Variants in DPP6 observed in about 807,000 individuals in gnomAD.
The protein encoded by DPP6 is dipeptidyl peptidase like 6.
A neutral mutation model predicts 122.6 loss-of-function variants in DPP6; 69 were observed. The observed-to-expected ratio is 0.56, with a 90% CI of 0.46 to 0.69. The LOEUF is 0.69. DPP6 is among the 30% of genes least tolerant of loss of function. DPP6 has a pLI of 0.00. For synonymous variants in DPP6, 418 were observed against 433.1 expected (o/e 0.97, Z 0.43); for missense variants, 928 against 1,116.9 (o/e 0.83, Z 2.41).
chr7:154,397,947 A>G (rs1014036677), intron 1 of DPP6, among the ~76,000 whole-genome samples: 5 of 152,206 alleles, frequency 3.3e-5, no homozygotes, highest in African/African-American at 1.2e-4. Flanking sequence ...TTTAAATAAA[A>G]TGGTTTCCAG....
At chr7:154,783,036 G>A (rs757110529) in intron 10 of DPP6, among the ~76,000 whole-genome samples, 1 of 152,018 alleles carries the variant, frequency 6.6e-6, no homozygotes, top group African/African-American at 2.4e-5. Context: ...CACCCACCTC[G>A]GCCTCCCAAA....
chr7:154,014,765 T>C (rs1489680054), intron 1 of DPP6, among the ~76,000 whole-genome samples: 1 of 152,138 alleles, frequency 6.6e-6, no homozygotes, highest in African/African-American at 2.4e-5. Flanking sequence ...CTCCACGTTC[T>C]AAAAACAAAG....
the DPP6 span, among the ~76,000 whole-genome samples, chr7:153,832,792 T>C: frequency 6.6e-6 from 1 of 151,114 alleles, no homozygotes; most frequent in Non-Finnish European, 1.5e-5. Context: ...AAAGATAATA[T>C]GTACTTTCAA....
At chr7:154,882,322 G>C (rs966060690) in intron 21 of DPP6, among the ~76,000 whole-genome samples, 9 of 152,218 alleles carry the variant, frequency 5.9e-5, no homozygotes, top group African/African-American at 2.2e-4. Flanking sequence ...TCTGAGCTCC[G>C]TGCTGGGGAT....
At chr7:153,810,904 A>G in the DPP6 span, among the ~76,000 whole-genome samples, 1 of 152,200 alleles carries the variant, frequency 6.6e-6, no homozygotes, top group East Asian at 1.9e-4. Flanking sequence ...AAATGTGTCT[A>G]TCATATTCAA....
chr7:154,507,656 G>C lies in DPP6; in HGVS notation c.457+32619G>C, dbSNP rs146107879. ...TGTGAGGAAGCAGCAGGCAAGAGCA[G>C]GACTGGAGAGGGTTTGATGTCATCT... On this transcript the variant is annotated intron_variant, in intron 3 of 25. Coordinates refer to ENST00000377770, the MANE Select transcript of DPP6 (RefSeq NM_130797.4). 6.7e-3 allele frequency among the ~76,000 whole-genome samples: 1,021 copies of C among 152,226 alleles called. 6 individuals carry two copies. The highest frequency in any genetic ancestry group is 0.024 in the Middle Eastern group (7 of 294).
At chr7:154,404,607 G>C (rs1815915293) in intron 1 of DPP6, among the ~76,000 whole-genome samples, 1 of 152,214 alleles carries the variant, frequency 6.6e-6, no homozygotes. Context: ...AGGTCGACCA[G>C]AAACATTCAA....
chr7:153,846,625 C>T, the DPP6 span, among the ~76,000 whole-genome samples: 3 of 150,718 alleles, frequency 2.0e-5, no homozygotes, highest in Non-Finnish European at 4.4e-5. Context: ...TCTTCTTCTG[C>T]AATTCCAATT....
At chr7:154,500,445 G>C (rs1825135528) in intron 3 of DPP6, among the ~76,000 whole-genome samples, 1 of 152,146 alleles carries the variant, frequency 6.6e-6, no homozygotes, top group African/African-American at 2.4e-5. Context: ...ATCTCATTTT[G>C]AATGGTAATT....
chr7:154,093,049 C>G (rs1212913689), intron 1 of DPP6: 1 of 151,598 alleles, frequency 6.6e-6, no homozygotes, highest in African/African-American at 2.4e-5. Context: ...CCTTCGAACA[C>G]CACACACACA....
chr7:154,224,800 G>A lies in DPP6; in HGVS notation c.243+171737G>A, dbSNP rs1045230804. Among the ~76,000 whole-genome samples the A allele has an allele frequency of 1.0e-4, 15 of 148,470 alleles. 1 individual carries two copies. Among genetic ancestry groups the A allele is most frequent in the African/African-American group, 5.2e-5 (2 of 38,662 alleles). The stretch of plus-strand genomic sequence containing the variant: ...CAACACAATTTGATGACGTAAGAGG[G>A]CTTTTGCAACATATGATCAGTTCCT... On this transcript the variant is annotated intron_variant, in intron 1 of 25. Coordinates refer to ENST00000377770, the MANE Select transcript of DPP6 (RefSeq NM_130797.4).
intron 1 of DPP6, among the ~76,000 whole-genome samples, chr7:154,347,811 C>G (rs1457710540): frequency 6.6e-6 from 1 of 152,104 alleles, no homozygotes; most frequent in East Asian, 1.9e-4. Context: ...TTTCTTTTTT[C>G]CCCAATGGCT....
intron 3 of DPP6, among the ~76,000 whole-genome samples, chr7:154,488,195 G>A (rs1193362695): frequency 6.6e-6 from 1 of 152,142 alleles, no homozygotes; most frequent in Non-Finnish European, 1.5e-5. Flanking sequence ...GTAGACACAC[G>A]TGGGCGGGGC....
At chr7:154,399,780 C>T (rs929289740) in intron 1 of DPP6, among the ~76,000 whole-genome samples, 6 of 152,080 alleles carry the variant, frequency 3.9e-5, no homozygotes, top group Non-Finnish European at 8.8e-5. Context: ...TCTGTTCTGC[C>T]CCATTTGGGG....
At chr7:153,882,614 A>C (rs1026470191), upstream of DPP6, among the ~76,000 whole-genome samples, 17 of 152,344 alleles carry the variant, frequency 1.1e-4, 1 homozygote, top group Admixed American at 9.8e-4. Flanking sequence ...GCAGTACATA[A>C]ATTGAGGATG....
chr7:154,537,284 A>G (rs1828337048), intron 3 of DPP6, among the ~76,000 whole-genome samples: 1 of 152,206 alleles, frequency 6.6e-6, no homozygotes, highest in African/African-American at 2.4e-5. Flanking sequence ...AGAATAGTAA[A>G]TAAGCACATG....
intron 1 of DPP6, among the ~76,000 whole-genome samples, chr7:154,384,705 T>C (rs1813922300): frequency 6.6e-6 from 1 of 150,776 alleles, no homozygotes; most frequent in Non-Finnish European, 1.5e-5. Flanking sequence ...TTGGCTCATG[T>C]CTAAGTTCTT....
chr7:154,254,092 T>C (rs908093518), intron 1 of DPP6, among the ~76,000 whole-genome samples: 2 of 152,246 alleles, frequency 1.3e-5, no homozygotes, highest in African/African-American at 4.8e-5. Context: ...TACAATTTGA[T>C]GAAATTTGGG....
intron 3 of DPP6, among the ~76,000 whole-genome samples, chr7:154,526,933 C>T (rs1425129863): frequency 6.6e-6 from 1 of 152,154 alleles, no homozygotes; most frequent in Non-Finnish European, 1.5e-5. Flanking sequence ...ATGGTGAAAA[C>T]ACAATCACTA....
Sources: allele counts gnomAD v4.1 joint callset (sites outside exome capture counted in the v4.1 genomes callset), GRCh38; gene constraint gnomAD v4.1.1; transcripts MANE v1.5; gene names NCBI Gene and HGNC (gene_info 2026-07-23, HGNC 2026-07-21).